The following FAF1 variants were observed in gnomAD, a reference collection of about 807,000 sequenced individuals.
The protein encoded by FAF1 is Fas associated factor 1, also known as FAS-associated factor 1.
FAF1 carries 25 observed loss-of-function variants against 92.5 expected under a neutral mutation model. The observed-to-expected ratio is 0.27, with a 90% CI of 0.20 to 0.38. FAF1 has a LOEUF of 0.38. FAF1 is among the 10% of genes least tolerant of loss of function. FAF1 has a pLI of 1.00. For synonymous variants in FAF1, 234 were observed against 273.2 expected, an observed-to-expected ratio of 0.86 and a Z score of 1.42; for missense variants, 636 against 793.3, an observed-to-expected ratio of 0.80 and a Z score of 2.38.
intron 7 of FAF1, among the ~76,000 whole-genome samples, chr1:50,658,777 C>T (rs905416615): frequency 1.3e-5 from 2 of 152,184 alleles, no homozygotes; most frequent in African/African-American, 4.8e-5. Flanking sequence ...TTGATTGTTC[C>T]AATGCAAAGG....
At chr1:50,629,241 C>A (rs1277692234) in intron 8 of FAF1, among the ~76,000 whole-genome samples, 1 of 147,850 alleles carries the variant, frequency 6.8e-6, no homozygotes, top group Non-Finnish European at 1.5e-5. Context: ...GCGATCTCGG[C>A]TCACTGCAAC....
At chr1:50,763,725 T>C (rs1425599215) in intron 4 of FAF1, among the ~76,000 whole-genome samples, 1 of 152,222 alleles carries the variant, frequency 6.6e-6, no homozygotes, top group African/African-American at 2.4e-5. Flanking sequence ...ATTATTGATA[T>C]CACATAATGT....
chr1:50,680,691 A>G (rs1485146115), intron 7 of FAF1, among the ~76,000 whole-genome samples: 1 of 152,078 alleles, frequency 6.6e-6, no homozygotes, highest in Non-Finnish European at 1.5e-5. Context: ...TCCAAAAAAA[A>G]AAAGAAAGAA....
chr1:50,526,409 A>G (rs1647806780), intron 15 of FAF1, among the ~76,000 whole-genome samples: 1 of 151,852 alleles, frequency 6.6e-6, no homozygotes, highest in African/African-American at 2.4e-5. Context: ...CAGCCTGCAC[A>G]AAATAGCGAG....
chr1:50,517,551 T>C (rs1380808788), intron 15 of FAF1, among the ~76,000 whole-genome samples: 1 of 152,132 alleles, frequency 6.6e-6, no homozygotes, highest in African/African-American at 2.4e-5. Context: ...TAAGAGGAAA[T>C]TGGAAACTGG....
At chr1:50,537,674 G>T (rs761673440) in intron 14 of FAF1, among the ~76,000 whole-genome samples, 2 of 152,108 alleles carry the variant, frequency 1.3e-5, no homozygotes, top group Admixed American at 6.6e-5. Flanking sequence ...AAAGTTTAGT[G>T]AGAAGAGCAG....
At position 50,653,986 on chromosome 1, in the gene FAF1, A is replaced by G. The variant is rs185984425; in HGVS notation, c.744+1456T>C. ...CCTGACCAAAAATAAAGGTTTTGCT[A>G]TTTTCTGATTATTAAAGTTTCTGAT... On this transcript the variant is annotated intron_variant, in intron 8 of 18. Coordinates refer to ENST00000396153, the MANE Select transcript of FAF1 (RefSeq NM_007051.3). 2.3e-3 allele frequency among the ~76,000 whole-genome samples: 353 copies of G among 152,248 alleles called. 1 individual carries two copies. The highest frequency in any genetic ancestry group is 8.3e-3 in the African/African-American group (344 of 41,552).
intron 17 of FAF1, among the ~76,000 whole-genome samples, chr1:50,486,419 A>G (rs1389308440): frequency 6.6e-6 from 1 of 151,946 alleles, no homozygotes; most frequent in Non-Finnish European, 1.5e-5. Context: ...CTACTCTTGC[A>G]CTTCCCTTTG....
intron 13 of FAF1, among the ~76,000 whole-genome samples, chr1:50,565,205 C>G (rs1015241503): frequency 8.6e-5 from 13 of 151,942 alleles, no homozygotes; most frequent in African/African-American, 3.1e-4. Flanking sequence ...AATAAGGATG[C>G]CAAGTATCTT....
At chr1:50,896,788 G>A (rs970400223) in intron 1 of FAF1, among the ~76,000 whole-genome samples, 17 of 152,124 alleles carry the variant, frequency 1.1e-4, no homozygotes, top group Admixed American at 1.1e-3. Context: ...ATGGTGTGAG[G>A]GGCATGGAAA....
At chr1:50,492,486 A>C (rs1408852038) in intron 15 of FAF1, among the ~76,000 whole-genome samples, 2 of 152,254 alleles carry the variant, frequency 1.3e-5, no homozygotes, top group African/African-American at 4.8e-5. Flanking sequence ...CCATCTGCCC[A>C]TATTTAAATC....
chr1:50,816,194 TTTTCC>T (rs1337997762), intron 2 of FAF1, among the ~76,000 whole-genome samples: 1 of 150,374 alleles, frequency 6.7e-6, no homozygotes, highest in African/African-American at 2.5e-5. Flanking sequence ...CCACTTTTTT[TTTTCC>T]TTTTTCTTTT....
At chr1:50,887,522 A>G (rs1243318296) in intron 1 of FAF1, among the ~76,000 whole-genome samples, 3 of 152,336 alleles carry the variant, frequency 2.0e-5, no homozygotes, top group African/African-American at 7.2e-5. Context: ...CTAATAATTA[A>G]GTCTTTAATC....
chr1:50,470,307 C>T (rs963116950), intron 18 of FAF1, among the ~76,000 whole-genome samples: 26 of 152,154 alleles, frequency 1.7e-4, no homozygotes, highest in African/African-American at 6.0e-4. Context: ...ACTCAATAAT[C>T]TCAAAAAGCA....
chr1:50,954,238 T>C (rs1333639845), intron 1 of FAF1, among the ~76,000 whole-genome samples: 2 of 152,138 alleles, frequency 1.3e-5, no homozygotes, highest in South Asian at 4.1e-4. Flanking sequence ...AGAATACTTT[T>C]CTAGCAAGGC....
intron 1 of FAF1, among the ~76,000 whole-genome samples, chr1:50,887,570 G>A (rs1050689812): frequency 1.3e-5 from 2 of 152,148 alleles, no homozygotes; most frequent in African/African-American, 4.8e-5. Context: ...TGTAAGGAAG[G>A]GATCCAGTTT....
chr1:50,581,067 T>C (rs1650968148), intron 12 of FAF1, among the ~76,000 whole-genome samples: 1 of 152,202 alleles, frequency 6.6e-6, no homozygotes, highest in African/African-American at 2.4e-5. Context: ...AGCCATCACA[T>C]CCAGCCCAGT....
chr1:50,532,171 CT>C (rs1457111565), intron 15 of FAF1, among the ~76,000 whole-genome samples: 1 of 152,046 alleles, frequency 6.6e-6, no homozygotes, highest in Non-Finnish European at 1.5e-5. Flanking sequence ...TGAAGACACT[CT>C]AAAAACAAAG....
intron 15 of FAF1, among the ~76,000 whole-genome samples, chr1:50,515,061 C>T (rs1000000107): frequency 2.6e-5 from 4 of 152,146 alleles, no homozygotes; most frequent in Non-Finnish European, 4.4e-5. Context: ...ATTTACTGCA[C>T]ACCTACAAGA....
Sources: allele counts gnomAD v4.1 joint callset (sites outside exome capture counted in the v4.1 genomes callset), GRCh38; gene constraint gnomAD v4.1.1; transcripts MANE v1.5; gene names NCBI Gene and HGNC (gene_info 2026-07-23, HGNC 2026-07-21).